The following MSI2 variants were observed in gnomAD, a reference collection of about 807,000 sequenced individuals.
MSI2 encodes the protein musashi RNA binding protein 2.
In MSI2, 17 loss-of-function variants were observed where a neutral mutation model predicts 45.6. The observed-to-expected ratio is 0.37, with a 90% confidence interval of 0.26 to 0.56. The LOEUF (loss-of-function observed/expected upper bound fraction) is 0.56. MSI2 is among the 20% of genes least tolerant of loss of function. The probability of loss-of-function intolerance (pLI) is 0.77; values close to 1 mark genes in which losing one functional copy is unlikely to be tolerated. For missense variants in MSI2, 293 were observed against 444.2 expected (o/e 0.66, Z 3.06); for synonymous variants, 156 against 158.2 (o/e 0.99, Z 0.11).
intron 6 of MSI2, among the ~76,000 whole-genome samples, chr17:57,500,397 CTT>C (rs35873324): frequency 5.6e-5 from 8 of 141,878 alleles, no homozygotes; most frequent in Admixed American, 1.4e-4. Flanking sequence ...TGAGTTGCGT[CTT>C]TTTTTTTTTT....
At chr17:57,322,083 C>T (rs181448966) in intron 5 of MSI2, among the ~76,000 whole-genome samples, 1 of 152,304 alleles carries the variant, frequency 6.6e-6, no homozygotes, top group East Asian at 1.9e-4. Flanking sequence ...AGGTGTGAGC[C>T]ACCGCGCCCA....
At chr17:57,342,110 C>T (rs1014498878) in intron 5 of MSI2, among the ~76,000 whole-genome samples, 1 of 152,180 alleles carries the variant, frequency 6.6e-6, no homozygotes, top group African/African-American at 2.4e-5. Flanking sequence ...TTTGTCTCTC[C>T]TCTCATTAGG....
At chr17:57,440,499 G>C (rs1197452454) in intron 6 of MSI2, among the ~76,000 whole-genome samples, 1 of 146,230 alleles carries the variant, frequency 6.8e-6, no homozygotes, top group Non-Finnish European at 1.5e-5. Flanking sequence ...ATTCCTTGTT[G>C]AGCATCTAGC....
At chr17:57,687,288 C>G (rs963212399), downstream of MSI2, among the ~76,000 whole-genome samples, 1 of 138,728 alleles carries the variant, frequency 7.2e-6, no homozygotes, top group South Asian at 2.2e-4. Flanking sequence ...TAGCAAATAG[C>G]AACCAAAAAA....
chr17:57,634,613 A>G (rs575999663), intron 10 of MSI2, among the ~76,000 whole-genome samples: 16 of 152,364 alleles, frequency 1.1e-4, no homozygotes, highest in African/African-American at 2.6e-4. Context: ...GAAAGGAAGT[A>G]TATCCCAGAC....
the MSI2 span, among the ~76,000 whole-genome samples, chr17:57,699,182 A>AGAGAGAGAGAGAGAGAGTGT: frequency 8.0e-5 from 2 of 25,082 alleles, no homozygotes; most frequent in Non-Finnish European, 1.2e-4. Flanking sequence ...AGAGAGAGAG[A>AGAGAGAGAGAGAGAGAGTGT]GTGTGTGTGT....
intron 4 of MSI2, among the ~76,000 whole-genome samples, chr17:57,258,947 ATT>A (rs34754540): frequency 2.6e-5 from 4 of 151,064 alleles, no homozygotes; most frequent in Non-Finnish European, 4.4e-5. Flanking sequence ...TTTCAAAGTG[ATT>A]TTTTTTTCCT....
chr17:57,584,375 A>T (rs569073185), intron 7 of MSI2, among the ~76,000 whole-genome samples: 1 of 152,144 alleles, frequency 6.6e-6, no homozygotes, highest in East Asian at 1.9e-4. Flanking sequence ...CAAACCACTC[A>T]TCAGAGGCAC....
chr17:57,674,428 A>AT (rs138385552), intron 11 of MSI2, among the ~76,000 whole-genome samples: 4,201 of 150,460 alleles, frequency 0.028, 178 homozygotes, highest in African/African-American at 0.094. Flanking sequence ...CTCTGCAAAG[A>AT]TTTTTTTTTT....
At position 57,322,612 on chromosome 17, in the gene MSI2, A is replaced by T. The variant is rs143968841; in HGVS notation, c.312+60420A>T. Among the ~76,000 whole-genome samples the T allele has an allele frequency of 1.2e-3, 186 of 152,114 alleles. 1 individual carries two copies. Among genetic ancestry groups the T allele is most frequent in the African/African-American group, 4.3e-3 (178 of 41,474 alleles). On this transcript the variant is annotated intron_variant, in intron 5 of 13. Coordinates refer to ENST00000284073, the MANE Select transcript of MSI2 (RefSeq NM_138962.4). The stretch of plus-strand genomic sequence containing the variant: ...GAACATAAACAACAAACCACGTACC[A>T]CTCACTCAAACCAGGAGCTGCATCC...
At chr17:57,657,271 C>T (rs1426528154) in intron 11 of MSI2, among the ~76,000 whole-genome samples, 1 of 152,128 alleles carries the variant, frequency 6.6e-6, no homozygotes, top group Non-Finnish European at 1.5e-5. Flanking sequence ...GTGCCAAGGC[C>T]CAGGAAGATA....
At chr17:57,589,426 C>T (rs992262755) in intron 7 of MSI2, among the ~76,000 whole-genome samples, 1 of 152,214 alleles carries the variant, frequency 6.6e-6, no homozygotes, top group East Asian at 1.9e-4. Context: ...GCACACTACT[C>T]ATCGCTTCTG....
chr17:57,691,197 TCTC>T, the MSI2 span, among the ~76,000 whole-genome samples: 1 of 123,232 alleles, frequency 8.1e-6, no homozygotes, highest in African/African-American at 3.1e-5. Flanking sequence ...TCTCTCTCTC[TCTC>T]ATCTATCTAT....
intron 5 of MSI2, among the ~76,000 whole-genome samples, chr17:57,301,956 A>T (rs1375444486): frequency 5.9e-5 from 9 of 152,278 alleles, no homozygotes; most frequent in Admixed American, 5.2e-4. Context: ...CTTTTGTGAT[A>T]TATTGTAGTT....
chr17:57,662,972 A>G (rs1677387829), intron 11 of MSI2, among the ~76,000 whole-genome samples: 1 of 152,262 alleles, frequency 6.6e-6, no homozygotes, highest in Admixed American at 6.5e-5. Context: ...AAGTTAGCCA[A>G]TGCCCAGAAG....
At chr17:57,673,741 G>A (rs1041875972) in intron 11 of MSI2, among the ~76,000 whole-genome samples, 3 of 152,010 alleles carry the variant, frequency 2.0e-5, no homozygotes, top group Admixed American at 6.5e-5. Context: ...GTCACCTTCC[G>A]CTGCCCCCCG....
At chr17:57,263,737 A>G (rs954389134) in intron 5 of MSI2, 2 of 152,174 alleles carry the variant, frequency 1.3e-5, no homozygotes, top group African/African-American at 4.8e-5. Context: ...ACTTTAATAC[A>G]CTCTGCAGTG....
At chr17:57,321,482 T>C (rs1408656693) in intron 5 of MSI2, among the ~76,000 whole-genome samples, 2 of 152,144 alleles carry the variant, frequency 1.3e-5, no homozygotes, top group South Asian at 2.1e-4. Flanking sequence ...ATAATAGTTA[T>C]GGAAATGCCT....
chr17:57,276,849 G>A (rs77425090), intron 5 of MSI2, among the ~76,000 whole-genome samples: 3,250 of 152,134 alleles, frequency 0.021, 117 homozygotes, highest in African/African-American at 0.075. Context: ...GAGGCTCAAG[G>A]TTTCCTGGCT....
Sources: gnomAD v4.1 joint callset for allele counts (sites outside exome capture counted in the v4.1 genomes callset) on GRCh38, gnomAD v4.1.1 for gene constraint, MANE v1.5 for transcripts, NCBI Gene and HGNC (gene_info 2026-07-23, HGNC 2026-07-21) for gene names.